The following ENOSF1 variants were observed in gnomAD, a reference collection of about 807,000 sequenced individuals.
The protein encoded by ENOSF1 is mitochondrial enolase superfamily member 1.
Under a neutral mutation model 68.2 loss-of-function variants are expected in ENOSF1, and 73 were observed. The ratio of observed to expected loss-of-function variants is 1.07; its 90% CI spans 0.89 to 1.30. ENOSF1 has a LOEUF of 1.30. Ranked by LOEUF, ENOSF1 falls within the 50% of genes most tolerant of loss-of-function variation. The pLI, the probability that ENOSF1 is intolerant of heterozygous loss-of-function variation, is 0.00. For missense variants in ENOSF1, 589 were observed against 554.5 expected (o/e 1.06, Z -0.62); for synonymous variants, 223 against 210.4 (o/e 1.06, Z -0.52).
intron 8 of ENOSF1, among the ~76,000 whole-genome samples, chr18:690,069 C>G (rs1363655451): frequency 6.6e-6 from 1 of 152,034 alleles, no homozygotes; most frequent in African/African-American, 2.4e-5. Flanking sequence ...AAGCTCTGTA[C>G]CCCCTCCTCA....
rs1486882956 is a variant in ENOSF1 at position 680,686 on chromosome 18, T to G, written c.877-1949A>C. ...TCACTATGCTGTTGTGTTTTTTTTT[T>G]TTTTTTTTTTTTGAGATGGAGTATT... On this transcript the variant is annotated intron_variant, in intron 11 of 15. Coordinates refer to ENST00000647584, the MANE Select transcript of ENOSF1 (RefSeq NM_017512.7). Among the ~76,000 whole-genome samples the G allele has an allele frequency of 5.5e-4, 82 of 147,828 alleles. No homozygotes were observed. The Middle Eastern group carries it at 0.01, about 19-fold the overall frequency.
intron 2 of ENOSF1, among the ~76,000 whole-genome samples, chr18:700,853 G>A (rs1405817479): frequency 4.7e-5 from 6 of 127,322 alleles, no homozygotes; most frequent in East Asian, 4.6e-4. Flanking sequence ...TCACGCCATC[G>A]CACTCCAGTC....
downstream of ENOSF1, among the ~76,000 whole-genome samples, chr18:667,065 T>A (rs1257629900): frequency 2.5e-4 from 10 of 39,916 alleles, 1 homozygote; most frequent in East Asian, 8.9e-4. Flanking sequence ...ATGGAGATGG[T>A]GATGGTGATG....
At chr18:666,526 C>T (rs192715303), downstream of ENOSF1, among the ~76,000 whole-genome samples, 1 of 152,222 alleles carries the variant, frequency 6.6e-6, no homozygotes, top group East Asian at 1.9e-4. Flanking sequence ...AAGCAGATGC[C>T]ACCTTGGAAT....
chr18:685,863 G>A, intron 10 of ENOSF1, 58 bp downstream of exon 10: 3 of 1,275,334 alleles, frequency 2.4e-6, no homozygotes, highest in Non-Finnish European at 3.4e-6. Flanking sequence ...CTTGAAACGA[G>A]TTGTATTTAG....
At chr18:698,936 T>C (rs2078034482) in intron 2 of ENOSF1, among the ~76,000 whole-genome samples, 1 of 152,082 alleles carries the variant, frequency 6.6e-6, no homozygotes, top group Non-Finnish European at 1.5e-5. Context: ...ACTGTAATCT[T>C]GAATGCCTAG....
chr18:706,784 C>A, intron 1 of ENOSF1: 1 of 331,822 alleles, frequency 3.0e-6, no homozygotes, highest in Non-Finnish European at 5.5e-6. Flanking sequence ...CAAAATGTTT[C>A]AACAAGAGCA....
downstream of ENOSF1, chr18:669,271 G>C (rs1429863548): frequency 1.0e-6 from 1 of 953,968 alleles, no homozygotes; most frequent in African/African-American, 1.8e-5. Context: ...CAGGACCCTG[G>C]GAACTTCCCC....
At position 672,784 on chromosome 18, in the gene ENOSF1, T is replaced by C; in HGVS notation, c.*1521A>G. On this transcript the variant is annotated 3_prime_UTR_variant, in exon 16 of 16. Coordinates refer to ENST00000647584, the MANE Select transcript of ENOSF1 (RefSeq NM_017512.7). ...ACTTTGTTGATCACATCCTGTGTAC[T>C]TGTTTCACGGACATGAGGAGCAATT... is the stretch of plus-strand genomic sequence containing the variant. The C allele has an allele frequency of 1.4e-6, 2 of 1,461,778 alleles. No individual in the cohort carries two copies. The highest frequency in any genetic ancestry group is 1.9e-6 in the Non-Finnish European group (2 of 1,077,464). The allele number at this position is 1,461,778 out of a possible 1,614,324, so 90.6% of individuals were successfully genotyped here. A position where few individuals can be genotyped will look rare whatever the true frequency, so the allele number is the denominator to read the frequency against.
chr18:665,959 TGTG>T (rs759083943), downstream of ENOSF1, among the ~76,000 whole-genome samples: 10 of 97,214 alleles, frequency 1.0e-4, 3 homozygotes, highest in Non-Finnish European at 1.7e-4. Context: ...TTGGAATAGG[TGTG>T]GTGCGGTGCT....
At chr18:677,630 A>C (rs2075647681) in intron 13 of ENOSF1, 113 bp downstream of exon 13, 2 of 1,437,480 alleles carry the variant, frequency 1.4e-6, no homozygotes, top group African/African-American at 2.9e-5. Flanking sequence ...GTTAGAAAAA[A>C]ATCGAAATGG....
chr18:691,292 G>T lies in ENOSF1; in HGVS notation c.424-16C>A, dbSNP rs765392889. The T allele has an allele frequency of 1.1e-5, 18 of 1,603,166 alleles. 2 individuals are homozygous for T. The highest frequency in any genetic ancestry group is 1.0e-4 in the South Asian group (9 of 90,334). ...TCCTGGGATCCTGGCAACGTGACAGGAGGGGAAGAGGCCTGAATCAATTAT... is the reference window on the plus strand; with the variant it reads ...TCCTGGGATCCTGGCAACGTGACAGTAGGGGAAGAGGCCTGAATCAATTAT... On this transcript the variant is annotated splice_polypyrimidine_tract_variant and intron_variant, in intron 5 of 15. Coordinates refer to ENST00000647584, the MANE Select transcript of ENOSF1 (RefSeq NM_017512.7).
chr18:676,841 C>T (rs1305006702), intron 14 of ENOSF1, among the ~76,000 whole-genome samples: 2 of 152,184 alleles, frequency 1.3e-5, no homozygotes, highest in Admixed American at 1.3e-4. Context: ...TGTGCCTTTG[C>T]TATATACTTG....
intron 2 of ENOSF1, among the ~76,000 whole-genome samples, chr18:699,135 C>A (rs910446956): frequency 1.3e-5 from 2 of 152,144 alleles, no homozygotes; most frequent in African/African-American, 4.8e-5. Flanking sequence ...GTTGGGATTA[C>A]AGGTGTGAGC....
chr18:670,745 G>A lies in ENOSF1; in HGVS notation c.*3560C>T. ...CCATGCCCTCTGCCAGTTCTATGTG[G>A]TGAACAGTGAGCTGTCCTGCCAGCT... On this transcript the variant is annotated 3_prime_UTR_variant, in exon 16 of 16. Transcript: ENST00000647584. The A allele has an allele frequency of 6.2e-7, 1 of 1,614,120 alleles. No homozygotes were observed.
chr18:668,407 C>A (rs527625652), downstream of ENOSF1, among the ~76,000 whole-genome samples: 1 of 152,260 alleles, frequency 6.6e-6, no homozygotes. Context: ...GCTTCCAGTT[C>A]CATCTCAGAA....
At chr18:676,352 T>C (rs979253414) in intron 14 of ENOSF1, among the ~76,000 whole-genome samples, 2 of 152,180 alleles carry the variant, frequency 1.3e-5, no homozygotes, top group Admixed American at 1.3e-4. Flanking sequence ...GGTGATTGGA[T>C]CATGGGAAGT....
chr18:694,188 A>G (rs537845820), intron 4 of ENOSF1, 60 bp downstream of exon 4: 2 of 1,500,114 alleles, frequency 1.3e-6, no homozygotes, highest in African/African-American at 2.8e-5. Flanking sequence ...CTCTGTGCGT[A>G]GGGAAAGTCA....
At chr18:707,111 A>G (rs1473817894) in intron 1 of ENOSF1, among the ~76,000 whole-genome samples, 2 of 152,018 alleles carry the variant, frequency 1.3e-5, no homozygotes, top group African/African-American at 4.8e-5. Flanking sequence ...GAGCCACCGC[A>G]CCTGGTCGCA....
Sources: allele counts gnomAD v4.1 joint callset (sites outside exome capture counted in the v4.1 genomes callset), GRCh38; gene constraint gnomAD v4.1.1; transcripts MANE v1.5; gene names NCBI Gene and HGNC (gene_info 2026-07-23, HGNC 2026-07-21).